Variants in PJA2 observed in about 807,000 individuals in gnomAD.
PJA2 encodes the protein praja ring finger ubiquitin ligase 2.
In PJA2, 25 loss-of-function variants were observed where a neutral mutation model predicts 69.3. That is an observed-to-expected ratio of 0.36 (90% CI 0.26 to 0.50). PJA2 has a LOEUF of 0.50. Among genes scored for constraint, PJA2 ranks in the 20% least tolerant of loss-of-function variants. The pLI, the probability that PJA2 is intolerant of heterozygous loss-of-function variation, is 0.96. For missense variants in PJA2, 809 were observed against 830.2 expected (o/e 0.97, Z 0.31); for synonymous variants, 308 against 277.8 (o/e 1.11, Z -1.08).
chr5:109,342,624 G>A (rs1184699296), intron 9 of PJA2, among the ~76,000 whole-genome samples: 3 of 105,054 alleles, frequency 2.9e-5, no homozygotes, highest in South Asian at 3.3e-4. Flanking sequence ...CCCTCTGCCC[G>A]GCCAGCCGCC....
chr5:109,353,072 C>A (rs1220685817), intron 7 of PJA2, among the ~76,000 whole-genome samples: 1 of 142,222 alleles, frequency 7.0e-6, no homozygotes, highest in Admixed American at 7.2e-5. Flanking sequence ...ATATTAGATA[C>A]CTATTATATC....
At chr5:109,383,340 T>TA (rs1355639495) in intron 2 of PJA2, 63 bp downstream of exon 2, 1 of 1,423,168 alleles carries the variant, frequency 7.0e-7, no homozygotes. Context: ...CACTTACTGG[T>TA]ACTCAAGGTA....
intron 2 of PJA2, 110 bp from the exon 3 acceptor site, chr5:109,381,813 C>T: frequency 1.2e-6 from 1 of 861,064 alleles, no homozygotes; most frequent in Non-Finnish European, 1.8e-6. Context: ...AAATCATATG[C>T]TTCTGAACAT....
chr5:109,381,573 T>C lies in PJA2; in HGVS notation c.162A>G (p.Arg54=). The change falls in exon 3 of 10, where the codon AGA becomes AGG. Residue 54 remains arginine (R), a synonymous_variant. Coordinates refer to ENST00000361189, the MANE Select transcript of PJA2 (RefSeq NM_014819.5). The part of the protein sequence containing the change: ...SFKPCMTRHE[R]SLGRAGDDYE... The stretch of plus-strand genomic sequence containing the variant: ...AGTCATCACCAGCCCGACCTAAGCT[T>C]CTTTCATGTCTGGTCATACATGGTT... The C allele has an allele frequency of 6.2e-7, 1 of 1,614,146 alleles. No homozygotes were observed. The highest frequency in any genetic ancestry group is 8.5e-7 in the Non-Finnish European group (1 of 1,180,014).
intron 7 of PJA2, among the ~76,000 whole-genome samples, chr5:109,352,140 T>C (rs1356717476): frequency 3.9e-5 from 6 of 152,196 alleles, no homozygotes; most frequent in Non-Finnish European, 8.8e-5. Flanking sequence ...CTGAGTTCAC[T>C]ATTGGTAGAA....
chr5:109,351,692 C>T (rs1421792374), intron 7 of PJA2, among the ~76,000 whole-genome samples: 1 of 151,946 alleles, frequency 6.6e-6, no homozygotes, highest in Non-Finnish European at 1.5e-5. Context: ...CAAATACATA[C>T]TGCCAGTATT....
At chr5:109,371,601 AAATTT>A (rs1466976982) in intron 4 of PJA2, among the ~76,000 whole-genome samples, 1 of 152,192 alleles carries the variant, frequency 6.6e-6, no homozygotes, top group Non-Finnish European at 1.5e-5. Flanking sequence ...TGGTGTTCCT[AAATTT>A]AATTCCACTC....
intron 4 of PJA2, among the ~76,000 whole-genome samples, chr5:109,370,535 T>C (rs763913152): frequency 9.2e-5 from 14 of 152,188 alleles, no homozygotes; most frequent in African/African-American, 2.4e-5. Flanking sequence ...AGGAAAGCTA[T>C]AAACCCTAGG....
Position 109,405,432 on chromosome 5 carries a change from T to C in PJA2, c.-88+4410A>G, listed in dbSNP as rs370876715. ...AAACCAACACGCAGCCTCTAAAAGCTTTACGGTAAAGTTAGAATAGCCAAG... is the reference window on the plus strand; with the variant it reads ...AAACCAACACGCAGCCTCTAAAAGCCTTACGGTAAAGTTAGAATAGCCAAG... On this transcript the variant is annotated intron_variant, in intron 1 of 9. Coordinates refer to ENST00000361189, the MANE Select transcript of PJA2 (RefSeq NM_014819.5). Among the ~76,000 whole-genome samples the C allele has an allele frequency of 2.0e-5, 3 of 152,180 alleles. No individual in the cohort carries two copies. The East Asian group carries it at 5.8e-4, about 29-fold the overall frequency.
intron 1 of PJA2, among the ~76,000 whole-genome samples, chr5:109,389,463 T>C (rs981935421): frequency 1.3e-5 from 2 of 152,096 alleles, no homozygotes; most frequent in East Asian, 3.8e-4. Context: ...AACAATTTAA[T>C]ATAGAGAGGA....
chr5:109,345,877 C>T (rs1762166324), intron 7 of PJA2, among the ~76,000 whole-genome samples: 2 of 152,210 alleles, frequency 1.3e-5, no homozygotes, highest in Non-Finnish European at 2.9e-5. Flanking sequence ...ATGGAAAGAA[C>T]ATCAGATCAT....
At chr5:109,350,149 T>G (rs1762226760) in intron 7 of PJA2, among the ~76,000 whole-genome samples, 1 of 152,190 alleles carries the variant, frequency 6.6e-6, no homozygotes, top group Non-Finnish European at 1.5e-5. Context: ...GCAGTGCTAG[T>G]AACACCTGAA....
In PJA2 at chr5:109,355,960, G is replaced by A. The variant is rs951582756; in HGVS notation, c.1719C>T (p.Phe573=). The stretch of plus-strand genomic sequence containing the variant: ...GTTCTTCTAGTGCCATGTAGGTAAG[G>A]AACTGAGGATCCACATATGAAATAG... The part of the protein sequence containing the change: ...AEAISYVDPQ[F]LTYMALEERL... The change falls in exon 7 of 10, where the codon TTC becomes TTT. Residue 573 remains phenylalanine, a synonymous_variant. Coordinates refer to ENST00000361189, the MANE Select transcript of PJA2 (RefSeq NM_014819.5). The A allele has an allele frequency of 4.3e-6, 7 of 1,613,282 alleles. No individual in the cohort carries two copies. The African/African-American group carries it at 6.7e-5, about 15-fold the overall frequency.
intron 5 of PJA2, 123 bp downstream of exon 5, chr5:109,368,437 CA>C (rs1472323677): frequency 1.1e-5 from 8 of 733,450 alleles, no homozygotes; most frequent in Admixed American, 8.7e-5. Flanking sequence ...ATGAAAAAAT[CA>C]GGGGGGCCTA....
intron 4 of PJA2, among the ~76,000 whole-genome samples, chr5:109,373,588 A>G (rs906905677): frequency 3.3e-5 from 5 of 152,224 alleles, no homozygotes; most frequent in Non-Finnish European, 5.9e-5. Context: ...CAGAACAAAT[A>G]GGACACAAAA....
intron 1 of PJA2, among the ~76,000 whole-genome samples, chr5:109,402,512 A>T (rs2127018949): frequency 6.6e-6 from 1 of 152,270 alleles, no homozygotes; most frequent in South Asian, 2.1e-4. Flanking sequence ...CATGCACCTA[A>T]CAGGAGGTTC....
chr5:109,383,657 A>C (rs1460423252), intron 1 of PJA2, 137 bp from the exon 2 acceptor site: 1 of 407,794 alleles, frequency 2.5e-6, no homozygotes, highest in Non-Finnish European at 4.4e-6. Flanking sequence ...ATGGTGGCAA[A>C]TGCCTGTGAT....
chr5:109,340,909 C>T (rs1366530705), intron 9 of PJA2, among the ~76,000 whole-genome samples: 1 of 112,326 alleles, frequency 8.9e-6, no homozygotes, highest in African/African-American at 2.8e-5. Context: ...CCCGAGGTGC[C>T]GGGATTGCAG....
intron 4 of PJA2, among the ~76,000 whole-genome samples, chr5:109,370,941 T>C (rs1223263279): frequency 6.6e-6 from 1 of 152,210 alleles, no homozygotes; most frequent in Non-Finnish European, 1.5e-5. Flanking sequence ...ACTCATGGAA[T>C]ATCTCTAAAC....
Sources: gnomAD v4.1 joint callset for allele counts (sites outside exome capture counted in the v4.1 genomes callset) on GRCh38, gnomAD v4.1.1 for gene constraint, MANE v1.5 for transcripts, NCBI Gene and HGNC (gene_info 2026-07-23, HGNC 2026-07-21) for gene names.